ENAH: variants seen among roughly 807,000 people sequenced by gnomAD.
ENAH encodes protein enabled homolog.
ENAH carries 23 observed loss-of-function variants against 78.7 expected under a neutral mutation model. That is an observed-to-expected ratio of 0.29 (90% CI 0.21 to 0.41). The LOEUF (loss-of-function observed/expected upper bound fraction) is 0.41, where lower values mean the gene tolerates loss of function less well. ENAH is among the 10% of genes least tolerant of loss of function. The pLI is 1.00. For synonymous variants in ENAH, 226 were observed against 241.0 expected, an observed-to-expected ratio of 0.94 and a Z score of 0.58; for missense variants, 544 against 691.0, an observed-to-expected ratio of 0.79 and a Z score of 2.39.
rs149348028 is a variant in ENAH at position 225,497,601 on chromosome 1, A to T, written c.*174T>A. 176 of 483,768 alleles carry T rather than the reference A, an allele frequency of 3.6e-4. 1 individual carries two copies. Among genetic ancestry groups the T allele is most frequent in the African/African-American group, 2.9e-3 (149 of 51,834 alleles). 30.0% of individuals were successfully genotyped at this position (483,768 alleles called of 1,614,324 possible). A position where few individuals can be genotyped will look rare whatever the true frequency, so the allele number is the denominator to read the frequency against. On this transcript the variant is annotated 3_prime_UTR_variant, in exon 14 of 14. Coordinates refer to ENST00000366843, the MANE Select transcript of ENAH (RefSeq NM_018212.6). ...CAAACGGAGAGGGAAAGAGCTTATCACCAGAGTCATAATGTCTGAAGGCTT... is the reference window on the plus strand; with the variant it reads ...CAAACGGAGAGGGAAAGAGCTTATCTCCAGAGTCATAATGTCTGAAGGCTT...
chr1:225,640,893 CT>C lies in ENAH; in HGVS notation c.5+11792del, dbSNP rs61440195. Among the ~76,000 whole-genome samples, 1,295 of 130,968 alleles carry C rather than the reference CT, an allele frequency of 9.9e-3. 8 individuals are homozygous for C. Among genetic ancestry groups the C allele is most frequent in the Middle Eastern group, 0.016 (4 of 246 alleles). The allele number at this position is 130,968 out of a possible 152,430, so 85.9% of individuals were successfully genotyped here. A position where few individuals can be genotyped will look rare whatever the true frequency, so the allele number is the denominator to read the frequency against. ...TTTATGGTTTAAATACAAGTACATA[CT>C]TTTTTTTTTTTTTTTTTTTGAGACA... On this transcript the variant is annotated intron_variant, in intron 1 of 13. Coordinates refer to ENST00000366843, the MANE Select transcript of ENAH (RefSeq NM_018212.6).
chr1:225,636,046 T>C (rs370719692), intron 1 of ENAH, among the ~76,000 whole-genome samples: 1 of 152,214 alleles, frequency 6.6e-6, no homozygotes, highest in Admixed American at 6.5e-5. Context: ...CCAGCTCCCA[T>C]AATCATGTAA....
intron 3 of ENAH, among the ~76,000 whole-genome samples, chr1:225,548,200 T>C (rs1056498202): frequency 1.1e-4 from 14 of 127,710 alleles, no homozygotes; most frequent in Admixed American, 7.1e-4. Context: ...CCATATAGAA[T>C]TTTCATTTTC....
At chr1:225,630,513 G>A (rs1658821334) in intron 1 of ENAH, among the ~76,000 whole-genome samples, 2 of 152,140 alleles carry the variant, frequency 1.3e-5, no homozygotes, top group South Asian at 4.1e-4. Context: ...GGATGCAAAA[G>A]GTTGTTATCC....
In ENAH at chr1:225,489,990, C is replaced by T. The variant is rs1199233299; in HGVS notation, c.*7785G>A. ...ATAATAATAAAAAGCTTTATCTATC[C>T]TTGCTTGTATAGTGGCAAGGAAAAA... On this transcript the variant is annotated 3_prime_UTR_variant, in exon 14 of 14. Coordinates refer to ENST00000366843, the MANE Select transcript of ENAH (RefSeq NM_018212.6). 1 of 151,994 alleles carries T rather than the reference C, an allele frequency of 6.6e-6. No individual in the cohort carries two copies. The highest frequency in any genetic ancestry group is 2.4e-5 in the African/African-American group (1 of 41,348). 9.4% of individuals were successfully genotyped at this position (151,994 alleles called of 1,614,324 possible). A position where few individuals can be genotyped will look rare whatever the true frequency, so the allele number is the denominator to read the frequency against.
chr1:225,533,732 CTA>C (rs1416367365), intron 3 of ENAH, among the ~76,000 whole-genome samples: 3 of 152,050 alleles, frequency 2.0e-5, no homozygotes, highest in Non-Finnish European at 4.4e-5. Flanking sequence ...TCAGGAGACT[CTA>C]TAATAGGAAC....
rs2150997285 is a variant in ENAH, at chr1:225,492,268, T to C, written c.*5507A>G. 6.6e-6 allele frequency: 1 copy of C among 152,182 alleles called. No individual in the cohort carries two copies. Among genetic ancestry groups the C allele is most frequent in the South Asian group, 2.1e-4 (1 of 4,832 alleles). 9.4% of individuals were successfully genotyped at this position (152,182 alleles called of 1,614,324 possible). A position where few individuals can be genotyped will look rare whatever the true frequency, so the allele number is the denominator to read the frequency against. ...GCCTGGCCTAAATTTTTAAATTTTTTTGTAGAAATGAGTCTCCCTGTTACC... is the reference window on the plus strand; with the variant it reads ...GCCTGGCCTAAATTTTTAAATTTTTCTGTAGAAATGAGTCTCCCTGTTACC... On this transcript the variant is annotated 3_prime_UTR_variant, in exon 14 of 14. Coordinates refer to ENST00000366843, the MANE Select transcript of ENAH (RefSeq NM_018212.6).
At chr1:225,539,081 C>A (rs1402517099) in intron 3 of ENAH, among the ~76,000 whole-genome samples, 1 of 152,230 alleles carries the variant, frequency 6.6e-6, no homozygotes, top group Admixed American at 6.5e-5. Context: ...TAGCATCTAT[C>A]AGAGTGTTGG....
chr1:225,534,948 GA>G (rs1284252408), intron 3 of ENAH, among the ~76,000 whole-genome samples: 1 of 152,030 alleles, frequency 6.6e-6, no homozygotes. Flanking sequence ...GAGAGTGAAA[GA>G]AAACACTCAA....
chr1:225,494,012 A>G lies in ENAH; in HGVS notation c.*3763T>C, dbSNP rs2096236365. The G allele has an allele frequency of 6.7e-6, 1 of 149,336 alleles. No homozygotes were observed. The highest frequency in any genetic ancestry group is 6.7e-5 in the Admixed American group (1 of 14,900). 9.3% of individuals were successfully genotyped at this position (149,336 alleles called of 1,614,324 possible). ...GACAAGTGACTTTTAATTTGTAGACAAAAATACTGACTTACATATGAAGAG... is the reference window on the plus strand; with the variant it reads ...GACAAGTGACTTTTAATTTGTAGACGAAAATACTGACTTACATATGAAGAG... On this transcript the variant is annotated 3_prime_UTR_variant, in exon 14 of 14. Transcript: ENST00000366843.
intron 3 of ENAH, among the ~76,000 whole-genome samples, chr1:225,547,707 C>T (rs987122307): frequency 6.6e-6 from 1 of 152,152 alleles, no homozygotes; most frequent in South Asian, 2.1e-4. Flanking sequence ...TTATTCCCAC[C>T]AGGCCAAACA....
chr1:225,541,499 T>C (rs995075876), intron 3 of ENAH, among the ~76,000 whole-genome samples: 18 of 152,100 alleles, frequency 1.2e-4, no homozygotes, highest in Non-Finnish European at 2.2e-4. Flanking sequence ...CCTGTGAATA[T>C]ACTAAAACCA....
Position 225,515,924 on chromosome 1 carries a change from G to A in ENAH, c.914-1024C>T, listed in dbSNP as rs564187794. ...CTGTCATGGTGAAACCAAACTGAAC[G>A]TCTTAGAATTCTGACTAACCTTTTA... On this transcript the variant is annotated intron_variant, in intron 6 of 13. Coordinates refer to ENST00000366843, the MANE Select transcript of ENAH (RefSeq NM_018212.6). Among the ~76,000 whole-genome samples, 13 of 152,266 alleles carry A rather than the reference G, an allele frequency of 8.5e-5. No homozygotes were observed. The South Asian group carries it at 1.7e-3, about 19-fold the overall frequency.
At chr1:225,559,253 T>C (rs890659359) in intron 2 of ENAH, among the ~76,000 whole-genome samples, 2 of 152,210 alleles carry the variant, frequency 1.3e-5, no homozygotes, top group African/African-American at 4.8e-5. Context: ...TTCTCTATTA[T>C]CTTATTTCTA....
At chr1:225,517,455 G>A (rs1000715594) in intron 5 of ENAH, 149 bp from the exon 6 acceptor site, 2 of 1,551,724 alleles carry the variant, frequency 1.3e-6, no homozygotes, top group South Asian at 1.2e-5. Context: ...CTGGCCCTGA[G>A]GTAGGCGGTG....
At chr1:225,525,538 G>T (rs767714923) in intron 4 of ENAH, among the ~76,000 whole-genome samples, 1 of 152,082 alleles carries the variant, frequency 6.6e-6, no homozygotes, top group African/African-American at 2.4e-5. Flanking sequence ...CTACCCGTCG[G>T]GAGCCTTCAG....
intron 4 of ENAH, among the ~76,000 whole-genome samples, chr1:225,524,977 A>C (rs2096493632): frequency 6.6e-6 from 1 of 152,182 alleles, no homozygotes; most frequent in Non-Finnish European, 1.5e-5. Context: ...ATTAAAAATA[A>C]AAAATTAAAC....
intron 3 of ENAH, among the ~76,000 whole-genome samples, chr1:225,543,616 T>G (rs2096599681): frequency 6.6e-6 from 1 of 152,144 alleles, no homozygotes; most frequent in Admixed American, 6.5e-5. Flanking sequence ...TGACCATGAC[T>G]TATACTATCT....
chr1:225,607,581 T>C (rs2096963372), intron 1 of ENAH, among the ~76,000 whole-genome samples: 2 of 149,810 alleles, frequency 1.3e-5, no homozygotes, highest in Non-Finnish European at 1.5e-5. Context: ...AAATCCCAGA[T>C]ATCATAACCC....
Sources: allele counts gnomAD v4.1 joint callset (sites outside exome capture counted in the v4.1 genomes callset), GRCh38; gene constraint gnomAD v4.1.1; transcripts MANE v1.5; gene names NCBI Gene and HGNC (gene_info 2026-07-23, HGNC 2026-07-21).